DPF3: variants seen among roughly 807,000 people sequenced by gnomAD.
The protein encoded by DPF3 is double PHD fingers 3.
DPF3 carries 18 observed loss-of-function variants against 56.8 expected under a neutral mutation model. The observed-to-expected ratio is 0.32, with a 90% CI of 0.22 to 0.47. The LOEUF is 0.47. Among genes scored for constraint, DPF3 ranks in the 20% least tolerant of loss-of-function variants. The pLI, the probability that DPF3 is intolerant of heterozygous loss-of-function variation, is 1.00. For synonymous variants in DPF3, 188 were observed against 180.2 expected (o/e 1.04, Z -0.35); for missense variants, 403 against 488.8 (o/e 0.82, Z 1.65).
Position 72,636,493 on chromosome 14 carries a change from C to A in DPF3, c.872-6757G>T, listed in dbSNP as rs537785052. On this transcript the variant is annotated intron_variant, in intron 8 of 10. Coordinates refer to ENST00000556509, the MANE Select transcript of DPF3 (RefSeq NM_001280542.3). ...TCTCTCTCTGCCCCATTCCCTCCCC[C>A]TCTCTTCATGCTCCTCCACTTTGAG... Among the ~76,000 whole-genome samples the A allele has an allele frequency of 1.5e-3, 222 of 152,276 alleles. 1 individual carries two copies. Among genetic ancestry groups the A allele is most frequent in the African/African-American group, 5.0e-3 (208 of 41,554 alleles).
Position 72,709,266 on chromosome 14 carries a change from G to A in DPF3, c.604+5157C>T, listed in dbSNP as rs147317521. Reference sequence around the variant, plus strand: ...TTTGCTGAGACAGAGGTGGCCTTGAGAGGGCCCGCTCCTGGTGTGTGACAC... The same window carrying A: ...TTTGCTGAGACAGAGGTGGCCTTGAAAGGGCCCGCTCCTGGTGTGTGACAC... On this transcript the variant is annotated intron_variant, in intron 6 of 10. Transcript: ENST00000556509. Among the ~76,000 whole-genome samples, 145 of 152,324 alleles carry A rather than the reference G, an allele frequency of 9.5e-4. 1 individual carries two copies. The highest frequency in any genetic ancestry group is 3.4e-3 in the African/African-American group (143 of 41,584).
chr14:72,883,987 A>G (rs1035641515), intron 1 of DPF3, among the ~76,000 whole-genome samples: 5 of 151,914 alleles, frequency 3.3e-5, no homozygotes, highest in Admixed American at 1.3e-4. Flanking sequence ...TCCAATGCCA[A>G]CAGCTCACTC....
intron 3 of DPF3, among the ~76,000 whole-genome samples, chr14:72,746,867 G>A (rs1408000297): frequency 6.6e-6 from 1 of 152,260 alleles, no homozygotes. Context: ...ATGGCAAACC[G>A]CTAGCCCTAG....
chr14:72,685,730 C>T (rs1177002494), intron 7 of DPF3, among the ~76,000 whole-genome samples: 1 of 152,202 alleles, frequency 6.6e-6, no homozygotes. Flanking sequence ...CCATGTCTGA[C>T]ACACTTAAGG....
intron 8 of DPF3, chr14:72,669,960 T>C (rs1886595937): frequency 1.0e-6 from 1 of 985,880 alleles, no homozygotes; most frequent in Non-Finnish European, 1.2e-6. Context: ...ACCTTTTGAC[T>C]AGGACCTCGC....
chr14:72,698,443 C>T (rs568669866), intron 6 of DPF3, among the ~76,000 whole-genome samples: 22 of 152,270 alleles, frequency 1.4e-4, no homozygotes, highest in African/African-American at 5.1e-4. Context: ...CTTTGAGGGG[C>T]CAAGGTGGGA....
chr14:72,648,706 G>A (rs752510146), intron 8 of DPF3, among the ~76,000 whole-genome samples: 3 of 151,656 alleles, frequency 2.0e-5, no homozygotes, highest in Admixed American at 1.3e-4. Flanking sequence ...ACCCAAAGCC[G>A]ACTGGCACCA....
intron 8 of DPF3, among the ~76,000 whole-genome samples, chr14:72,653,469 G>A (rs921830930): frequency 6.6e-6 from 1 of 152,242 alleles, no homozygotes; most frequent in Non-Finnish European, 1.5e-5. Flanking sequence ...GAAGCCAGCA[G>A]TCAGGGCTTG....
chr14:72,663,485 G>A (rs1263597635), intron 8 of DPF3, among the ~76,000 whole-genome samples: 2 of 152,202 alleles, frequency 1.3e-5, no homozygotes, highest in Admixed American at 6.5e-5. Flanking sequence ...TCCTCTACTA[G>A]CACAGTGATC....
At chr14:72,803,856 C>T (rs994511480) in intron 1 of DPF3, among the ~76,000 whole-genome samples, 3 of 151,416 alleles carry the variant, frequency 2.0e-5, no homozygotes, top group African/African-American at 7.4e-5. Flanking sequence ...GAAACACAAA[C>T]ATGTGCAGTG....
chr14:72,653,272 A>G (rs912516426), intron 8 of DPF3, among the ~76,000 whole-genome samples: 7 of 152,208 alleles, frequency 4.6e-5, no homozygotes, highest in Non-Finnish European at 1.0e-4. Context: ...TTGAGAGTGC[A>G]CTGGTGATTA....
At chr14:72,871,329 A>C (rs915573824) in intron 1 of DPF3, among the ~76,000 whole-genome samples, 1 of 152,176 alleles carries the variant, frequency 6.6e-6, no homozygotes, top group Admixed American at 6.5e-5. Context: ...CCAAAGTCTT[A>C]ATTCATTTCA....
intron 1 of DPF3, among the ~76,000 whole-genome samples, chr14:72,795,353 C>T (rs1892607731): frequency 6.9e-6 from 1 of 145,852 alleles, no homozygotes; most frequent in Non-Finnish European, 1.5e-5. Flanking sequence ...GGATTTGGAA[C>T]CACATCGCTC....
At chr14:72,674,892 A>C (rs1375407047) in intron 7 of DPF3, among the ~76,000 whole-genome samples, 2 of 152,266 alleles carry the variant, frequency 1.3e-5, no homozygotes, top group African/African-American at 4.8e-5. Flanking sequence ...ATAACACCAA[A>C]GATGCTCTTG....
At chr14:72,800,954 T>C (rs1234057716) in intron 1 of DPF3, among the ~76,000 whole-genome samples, 1 of 152,240 alleles carries the variant, frequency 6.6e-6, no homozygotes, top group African/African-American at 2.4e-5. Flanking sequence ...AACTATAGGC[T>C]TACTTCTGTA....
At chr14:72,878,418 T>C (rs115187834) in intron 1 of DPF3, among the ~76,000 whole-genome samples, 27 of 152,310 alleles carry the variant, frequency 1.8e-4, no homozygotes, top group African/African-American at 5.3e-4. Context: ...GCATTGATAC[T>C]GTGAAAGTAT....
chr14:72,793,593 A>C (rs1892523752), intron 1 of DPF3, among the ~76,000 whole-genome samples: 1 of 152,130 alleles, frequency 6.6e-6, no homozygotes, highest in Admixed American at 6.5e-5. Context: ...GAAGGAAAAA[A>C]GGAAATTAAC....
rs952105916 is a variant in DPF3 at position 72,706,926 on chromosome 14, T to C, written c.604+7497A>G. The stretch of plus-strand genomic sequence containing the variant: ...GTGCCATGCTGGTGTGCTGCACCCA[T>C]TAACTCGTCATTTAGCATTAGGTAT... On this transcript the variant is annotated intron_variant, in intron 6 of 10. Transcript: ENST00000556509. 4.6e-5 allele frequency among the ~76,000 whole-genome samples: 7 copies of C among 152,104 alleles called. No homozygotes were observed. In the East Asian group the frequency reaches 1.3e-3, roughly 29 times the overall value.
chr14:72,821,622 G>A (rs1344515693), intron 1 of DPF3, among the ~76,000 whole-genome samples: 1 of 147,440 alleles, frequency 6.8e-6, no homozygotes, highest in Admixed American at 6.7e-5. Flanking sequence ...AGTGAGATGT[G>A]TAGATGACTT....
Sources: gnomAD v4.1 joint callset for allele counts (sites outside exome capture counted in the v4.1 genomes callset) on GRCh38, gnomAD v4.1.1 for gene constraint, MANE v1.5 for transcripts, NCBI Gene and HGNC (gene_info 2026-07-23, HGNC 2026-07-21) for gene names.